Variants in TENM3 observed in about 807,000 individuals in gnomAD.
TENM3 encodes teneurin-3.
A neutral mutation model predicts 255.1 loss-of-function variants in TENM3; 63 were observed. The ratio of observed to expected loss-of-function variants is 0.25; its 90% CI spans 0.20 to 0.30. The LOEUF (loss-of-function observed/expected upper bound fraction) is 0.30, where lower values mean the gene tolerates loss of function less well. Ranked by LOEUF, TENM3 falls within the 10% of genes least tolerant of loss-of-function variation. The pLI, the probability that TENM3 is intolerant of heterozygous loss-of-function variation, is 1.00. For synonymous variants in TENM3, 1,306 were observed against 1,322.3 expected (o/e 0.99, Z 0.27); for missense variants, 2,929 against 3,461.1 (o/e 0.85, Z 3.86).
intron 18 of TENM3, among the ~76,000 whole-genome samples, chr4:182,741,107 C>T (rs867425942): frequency 2.0e-5 from 3 of 152,126 alleles, no homozygotes; most frequent in African/African-American, 7.2e-5. Context: ...GCCAGGGAGA[C>T]GGAGGTTGCA....
the TENM3 span, among the ~76,000 whole-genome samples, chr4:181,695,671 T>G: frequency 2.0e-4 from 31 of 152,310 alleles, no homozygotes; most frequent in African/African-American, 7.5e-4. Context: ...GGCAGAGAGA[T>G]AATTGTTTTG....
At chr4:181,602,247 A>T in the TENM3 span, among the ~76,000 whole-genome samples, 2 of 152,218 alleles carry the variant, frequency 1.3e-5, no homozygotes, top group South Asian at 4.1e-4. Context: ...TTAGACTCCC[A>T]CAGCAACATT....
chr4:181,679,532 C>T, the TENM3 span, among the ~76,000 whole-genome samples: 1 of 152,106 alleles, frequency 6.6e-6, no homozygotes, highest in Non-Finnish European at 1.5e-5. Context: ...TGTTGTATAG[C>T]ACTGGAAATA....
intron 3 of TENM3, among the ~76,000 whole-genome samples, chr4:182,441,968 C>T (rs1030502896): frequency 7.2e-5 from 11 of 152,024 alleles, no homozygotes; most frequent in African/African-American, 2.2e-4. Context: ...GAATATAGTA[C>T]GATGAAGGCA....
At chr4:182,748,889 A>G (rs536185917) in intron 19 of TENM3, among the ~76,000 whole-genome samples, 38 of 152,336 alleles carry the variant, frequency 2.5e-4, no homozygotes, top group Non-Finnish European at 4.4e-4. Flanking sequence ...AAAGCCATTG[A>G]CATTTGTTGC....
the TENM3 span, among the ~76,000 whole-genome samples, chr4:181,697,667 C>T: frequency 1.3e-5 from 2 of 152,064 alleles, no homozygotes; most frequent in Non-Finnish European, 2.9e-5. Context: ...GCTGGGATTA[C>T]AGGCGTAAGC....
intron 3 of TENM3, among the ~76,000 whole-genome samples, chr4:182,361,519 T>C (rs1299908455): frequency 6.6e-6 from 1 of 152,346 alleles, no homozygotes; most frequent in East Asian, 1.9e-4. Context: ...CATCGGCTCC[T>C]GAGGCTTCTG....
At chr4:182,075,001 CG>C in the TENM3 span, among the ~76,000 whole-genome samples, 1 of 152,006 alleles carries the variant, frequency 6.6e-6, no homozygotes, top group Non-Finnish European at 1.5e-5. Context: ...CCAGTGTCCA[CG>C]GGGGTTATGT....
At chr4:182,683,492 A>G (rs998836222) in intron 11 of TENM3, among the ~76,000 whole-genome samples, 1 of 152,192 alleles carries the variant, frequency 6.6e-6, no homozygotes, top group Non-Finnish European at 1.5e-5. Flanking sequence ...TAACATCTGA[A>G]AAAGTTTAAA....
In TENM3 at chr4:182,743,426, C is replaced by G. The variant is rs368437845; in HGVS notation, c.3629+7C>G. ...CAAGTGTCTTAGAACTAAGGTACGTCTTTCCTAAATTTGGGCTTTTAACCA... is the reference window on the plus strand; with the variant it reads ...CAAGTGTCTTAGAACTAAGGTACGTGTTTCCTAAATTTGGGCTTTTAACCA... On this transcript the variant is annotated splice_region_variant and intron_variant, in intron 19 of 27. Coordinates refer to ENST00000511685, the MANE Select transcript of TENM3 (RefSeq NM_001080477.4). 1.2e-6 allele frequency: 2 copies of G among 1,609,930 alleles called. No individual in the cohort carries two copies. Among genetic ancestry groups the G allele is most frequent in the Admixed American group, 1.7e-5 (1 of 59,988 alleles).
chr4:181,719,811 G>A, the TENM3 span, among the ~76,000 whole-genome samples: 3 of 152,170 alleles, frequency 2.0e-5, no homozygotes, highest in African/African-American at 7.2e-5. Context: ...ATGATGCCTT[G>A]ATGCTCGTTA....
At chr4:182,165,903 C>A (rs990643583) in intron 1 of TENM3, among the ~76,000 whole-genome samples, 3 of 152,022 alleles carry the variant, frequency 2.0e-5, no homozygotes, top group Non-Finnish European at 2.9e-5. Context: ...AGCTTCTCGA[C>A]GAGTAGCTGG....
At chr4:181,874,122 C>T in the TENM3 span, among the ~76,000 whole-genome samples, 3 of 151,628 alleles carry the variant, frequency 2.0e-5, no homozygotes, top group Admixed American at 1.3e-4. Context: ...TTTCACCATG[C>T]TGGCCAGGCT....
chr4:181,823,721 A>G, the TENM3 span, among the ~76,000 whole-genome samples: 1 of 152,312 alleles, frequency 6.6e-6, no homozygotes, highest in East Asian at 1.9e-4. Context: ...CTACTAAAGC[A>G]TTCTTACTAT....
the TENM3 span, among the ~76,000 whole-genome samples, chr4:182,121,766 G>T: frequency 6.6e-6 from 1 of 152,170 alleles, no homozygotes; most frequent in African/African-American, 2.4e-5. Context: ...ATTAACCAGG[G>T]TGGTAGGTGC....
intron 3 of TENM3, among the ~76,000 whole-genome samples, chr4:182,380,813 G>A (rs1336454533): frequency 1.3e-5 from 2 of 152,160 alleles, no homozygotes; most frequent in East Asian, 1.9e-4. Context: ...TACCAGTGAC[G>A]CAACCAAGGT....
the TENM3 span, among the ~76,000 whole-genome samples, chr4:181,478,574 C>T: frequency 6.6e-6 from 1 of 152,166 alleles, no homozygotes; most frequent in Non-Finnish European, 1.5e-5. Flanking sequence ...TTTGAAAATA[C>T]ACCGGCCATT....
chr4:181,523,209 T>C, the TENM3 span, among the ~76,000 whole-genome samples: 1 of 152,268 alleles, frequency 6.6e-6, no homozygotes. Flanking sequence ...AAGCGTCTTT[T>C]ATATATGCAG....
At position 182,773,567 on chromosome 4, in the gene TENM3, T is replaced by C. The variant is rs773160754; in HGVS notation, c.4988T>C (p.Ile1663Thr). The stretch of plus-strand genomic sequence containing the variant: ...ATGGACAAGGCTATCACAGTGGACA[T>C]TGAGTCATCTAGCCGAGAAGAAGAT... The part of the protein sequence containing the change: ...GDMDKAITVD[I>T]ESSSREEDVS... Residue 1663 changes from isoleucine to threonine, a missense_variant, in exon 23 of 28, where the codon ATT becomes ACT. Around this residue, in one of 6 missense-constraint regions of TENM3, gnomAD observed 1,608 missense variants for 1,884.4 expected, o/e 0.85. Coordinates refer to ENST00000511685, the MANE Select transcript of TENM3 (RefSeq NM_001080477.4). The C allele has an allele frequency of 7.7e-5, 125 of 1,613,892 alleles. No homozygotes were observed. The highest frequency in any genetic ancestry group is 1.6e-4 in the Middle Eastern group (1 of 6,062).
Sources: allele counts gnomAD v4.1 joint callset (sites outside exome capture counted in the v4.1 genomes callset), GRCh38; gene constraint gnomAD v4.1.1; regional missense constraint gnomAD v4.1.1; transcripts MANE v1.5; gene names NCBI Gene and HGNC (gene_info 2026-07-23, HGNC 2026-07-21).